The following PLCB1 variants were observed in gnomAD, a reference collection of about 807,000 sequenced individuals.
PLCB1 encodes 1-phosphatidylinositol 4,5-bisphosphate phosphodiesterase beta-1.
Under a neutral mutation model 161.8 loss-of-function variants are expected in PLCB1, and 46 were observed. That is an observed-to-expected ratio of 0.28 (90% confidence interval 0.22 to 0.36). The LOEUF is 0.36. PLCB1 is among the 10% of genes least tolerant of loss of function. The pLI is 1.00. For missense variants in PLCB1, 1,016 were observed against 1,472.5 expected (o/e 0.69, Z 5.07); for synonymous variants, 517 against 503.7 (o/e 1.03, Z -0.35).
intron 2 of PLCB1, among the ~76,000 whole-genome samples, chr20:8,229,107 A>G (rs1480943754): frequency 6.6e-6 from 1 of 152,050 alleles, no homozygotes; most frequent in Non-Finnish European, 1.5e-5. Context: ...CAATGTTTGT[A>G]GCTTCCGTAT....
chr20:8,370,743 C>T (rs1292891006), intron 2 of PLCB1, among the ~76,000 whole-genome samples: 1 of 152,202 alleles, frequency 6.6e-6, no homozygotes, highest in Non-Finnish European at 1.5e-5. Context: ...TTAACACATT[C>T]CCCCTTGTCT....
chr20:8,384,943 T>A (rs111836741), intron 3 of PLCB1, among the ~76,000 whole-genome samples: 15 of 152,318 alleles, frequency 9.8e-5, no homozygotes, highest in African/African-American at 3.6e-4. Flanking sequence ...ACCAACCTGA[T>A]GCGAGTAGGA....
intron 9 of PLCB1, 71 bp downstream of exon 9, chr20:8,658,775 G>A: frequency 1.6e-6 from 2 of 1,273,574 alleles, no homozygotes; most frequent in Admixed American, 4.7e-5. Flanking sequence ...CTGGGAGTTA[G>A]GAACACCAGT....
intron 7 of PLCB1, among the ~76,000 whole-genome samples, chr20:8,656,282 G>A (rs1283257554): frequency 6.6e-6 from 1 of 151,990 alleles, no homozygotes; most frequent in Non-Finnish European, 1.5e-5. Context: ...CAAGTGGTGA[G>A]CTAAGTTCTC....
Position 8,483,793 on chromosome 20 carries a change from A to T in PLCB1, c.246+112343A>T, listed in dbSNP as rs1000476708. Among the ~76,000 whole-genome samples the T allele has an allele frequency of 5.9e-5, 9 of 152,336 alleles. No individual in the cohort carries two copies. The East Asian group carries it at 9.6e-4, about 16-fold the overall frequency. On this transcript the variant is annotated intron_variant, in intron 3 of 31. Coordinates refer to ENST00000338037, the MANE Select transcript of PLCB1 (RefSeq NM_015192.4). ...ATCCTGTTAAAACCATTTGATCTTT[A>T]AACTGGCTTGCTTCATTTCATAATG...
At chr20:8,471,883 A>G (rs1982068543) in intron 3 of PLCB1, among the ~76,000 whole-genome samples, 2 of 152,164 alleles carry the variant, frequency 1.3e-5, no homozygotes, top group Admixed American at 1.3e-4. Context: ...GTAATGTTTT[A>G]GTGAATCTCA....
intron 2 of PLCB1, among the ~76,000 whole-genome samples, chr20:8,327,203 A>C (rs1404998991): frequency 2.0e-5 from 3 of 152,092 alleles, no homozygotes; most frequent in Non-Finnish European, 4.4e-5. Flanking sequence ...TTTTCATATT[A>C]AGTTCTGAAC....
chr20:8,640,897 T>G (rs1988934013), intron 4 of PLCB1, among the ~76,000 whole-genome samples: 1 of 152,162 alleles, frequency 6.6e-6, no homozygotes, highest in Admixed American at 6.5e-5. Flanking sequence ...TTTCTTTAAG[T>G]TCATTTTCAT....
chr20:8,768,361 TGCGTAG>T (rs1224115331), intron 26 of PLCB1, among the ~76,000 whole-genome samples: 2 of 152,110 alleles, frequency 1.3e-5, no homozygotes, highest in Non-Finnish European at 2.9e-5. Flanking sequence ...GAATTCTCCC[TGCGTAG>T]GTGTGTCTTG....
At position 8,685,025 on chromosome 20, in the gene PLCB1, C is replaced by T. The variant is rs755265437; in HGVS notation, c.956C>T (p.Ser319Phe). 1.2e-6 allele frequency: 2 copies of T among 1,613,460 alleles called. No individual in the cohort carries two copies. The highest frequency in any genetic ancestry group is 1.7e-6 in the Non-Finnish European group (2 of 1,179,456). Residue 319 changes from serine (S) to phenylalanine (F), a missense_variant, in exon 10 of 32, where the codon TCT becomes TTT. Physicochemically the swap from Ser to Phe is radical, Grantham distance 155. Around this residue, in one of 10 missense-constraint regions of PLCB1, gnomAD observed 117 missense variants for 142.2 expected, o/e 0.82. Transcript: ENST00000338037. ...AAACTGGATTTGAATGAAGACATGT[C>T]TCAGCCCCTTTCTCACTATTTCATT... Reference protein sequence around the residue: ...PEKLDLNEDMSQPLSHYFINS... With the variant: ...PEKLDLNEDMFQPLSHYFINS...
Position 8,821,550 on chromosome 20 carries a change from TATATATA to T in PLCB1, c.3423+31290_3423+31296del, listed in dbSNP as rs1985416264. On this transcript the variant is annotated intron_variant, in intron 31 of 31. Coordinates refer to ENST00000338037, the MANE Select transcript of PLCB1 (RefSeq NM_015192.4). ...ATATATATATATATATATATATATA[TATATATA>T]TTTAAATGACACTTTTAAAAATGGA... is the stretch of plus-strand genomic sequence containing the variant. Among the ~76,000 whole-genome samples the T allele has an allele frequency of 2.1e-4, 21 of 100,538 alleles. 1 individual carries two copies. The highest frequency in any genetic ancestry group is 3.5e-4 in the Non-Finnish European group (18 of 51,278). The allele number at this position is 100,538 out of a possible 152,430, so 66.0% of individuals were successfully genotyped here. A position where few individuals can be genotyped will look rare whatever the true frequency, so the allele number is the denominator to read the frequency against.
chr20:8,676,380 GAAGA>G (rs1167518146), intron 9 of PLCB1, among the ~76,000 whole-genome samples: 3 of 149,642 alleles, frequency 2.0e-5, no homozygotes, highest in East Asian at 1.9e-4. Context: ...GAAAAAGAAA[GAAGA>G]AAGAGAGACA....
At chr20:8,539,508 T>A (rs1009399036) in intron 3 of PLCB1, among the ~76,000 whole-genome samples, 2 of 152,172 alleles carry the variant, frequency 1.3e-5, no homozygotes, top group African/African-American at 4.8e-5. Context: ...TTAAAACGTC[T>A]CCCTTTGAGG....
chr20:8,503,804 C>T (rs1983524032), intron 3 of PLCB1, among the ~76,000 whole-genome samples: 1 of 151,962 alleles, frequency 6.6e-6, no homozygotes. Flanking sequence ...ATATATTTCT[C>T]ATGTCAATAT....
intron 18 of PLCB1, 81 bp downstream of exon 18, chr20:8,729,255 A>ACTTCACT: frequency 7.8e-7 from 1 of 1,283,246 alleles, no homozygotes; most frequent in Non-Finnish European, 1.0e-6. Flanking sequence ...ATTGGGGGAG[A>ACTTCACT]GAAAATTGCC....
At chr20:8,379,061 G>C (rs1195056581) in intron 3 of PLCB1, among the ~76,000 whole-genome samples, 2 of 152,008 alleles carry the variant, frequency 1.3e-5, no homozygotes, top group African/African-American at 4.8e-5. Flanking sequence ...ATGGTGGTTT[G>C]CTATGTCTAT....
At chr20:8,334,737 C>G (rs1437446797) in intron 2 of PLCB1, among the ~76,000 whole-genome samples, 2 of 152,164 alleles carry the variant, frequency 1.3e-5, no homozygotes, top group Non-Finnish European at 2.9e-5. Flanking sequence ...TATCCTGAAA[C>G]AGGTCCAAAT....
intron 2 of PLCB1, among the ~76,000 whole-genome samples, chr20:8,184,948 C>A (rs938124891): frequency 4.6e-5 from 7 of 151,944 alleles, no homozygotes; most frequent in African/African-American, 1.5e-4. Flanking sequence ...CCTAGCCCCC[C>A]ACTCCCCAAC....
At chr20:8,411,653 A>G (rs1452078890) in intron 3 of PLCB1, among the ~76,000 whole-genome samples, 1 of 152,064 alleles carries the variant, frequency 6.6e-6, no homozygotes, top group Non-Finnish European at 1.5e-5. Flanking sequence ...CTATACAGAG[A>G]CCCCAATAGC....
Sources: gnomAD v4.1 joint callset for allele counts (sites outside exome capture counted in the v4.1 genomes callset) on GRCh38, gnomAD v4.1.1 for gene constraint, gnomAD v4.1.1 regional missense constraint, MANE v1.5 for transcripts, NCBI Gene and HGNC (gene_info 2026-07-23, HGNC 2026-07-21) for gene names.